Variants in MAP3K19 observed in about 807,000 individuals in gnomAD.
The protein encoded by MAP3K19 is SPS1/STE20-related protein kinase YSK4.
MAP3K19 carries 91 observed loss-of-function variants against 114.4 expected under a neutral mutation model. The ratio of observed to expected loss-of-function variants is 0.80; its 90% CI spans 0.67 to 0.95. The LOEUF (loss-of-function observed/expected upper bound fraction) is 0.95. MAP3K19 is among the 40% of genes least tolerant of loss of function. The pLI is 0.00. For missense variants in MAP3K19, 1,471 were observed against 1,573.2 expected (o/e 0.94, Z 1.10); for synonymous variants, 518 against 530.5 (o/e 0.98, Z 0.32).
chr2:135,017,968 G>T (rs1267668231), intron 5 of MAP3K19, among the ~76,000 whole-genome samples: 1 of 152,166 alleles, frequency 6.6e-6, no homozygotes, highest in Non-Finnish European at 1.5e-5. Flanking sequence ...CTTCAAAGAG[G>T]TTAAAATGCA....
intron 3 of MAP3K19, among the ~76,000 whole-genome samples, chr2:135,029,170 A>T (rs1688322793): frequency 6.6e-6 from 1 of 152,306 alleles, no homozygotes; most frequent in Admixed American, 6.5e-5. Context: ...CAGGAGATCG[A>T]GACCAACCTG....
At position 134,985,948 on chromosome 2, in the gene MAP3K19, G is replaced by C; in HGVS notation, c.2924C>G (p.Ala975Gly). The C allele has an allele frequency of 6.2e-7, 1 of 1,614,072 alleles. No homozygotes were observed. Among genetic ancestry groups the C allele is most frequent in the Non-Finnish European group, 8.5e-7 (1 of 1,179,978 alleles). Residue 975 changes from alanine to glycine, a missense_variant, in exon 10 of 13, where the codon GCA (alanine) becomes GGA (glycine). Physicochemically the swap from Ala to Gly is moderately conservative, Grantham distance 60. Transcript: ENST00000392915. ...TTTCTCATCAAGAGCTAATAATTCT[G>C]CAGCTAGACAACCTAATAGTTCATC... ...LTDELLGCLA[A>G]ELLALDEKDN...
intron 5 of MAP3K19, among the ~76,000 whole-genome samples, chr2:135,011,666 GTTGTTTGT>G (rs58467283): frequency 8.7e-5 from 13 of 150,106 alleles, no homozygotes; most frequent in East Asian, 1.9e-4. Flanking sequence ...AGAGTTTGAT[GTTGTTTGT>G]TTGTTTGTTT....
intron 2 of MAP3K19, among the ~76,000 whole-genome samples, chr2:135,033,306 AG>A (rs1252201032): frequency 8.2e-6 from 1 of 121,602 alleles, no homozygotes; most frequent in Admixed American, 8.2e-5. Context: ...CTCACCTCCC[AG>A]TAGGAGCGGC....
intron 1 of MAP3K19, among the ~76,000 whole-genome samples, chr2:135,042,459 G>T (rs1429450330): frequency 6.9e-6 from 1 of 144,712 alleles, no homozygotes; most frequent in Non-Finnish European, 1.5e-5. Flanking sequence ...CTGAGATCGC[G>T]CCACTGCACT....
chr2:135,034,850 AGGGG>A (rs1558745563), intron 2 of MAP3K19, among the ~76,000 whole-genome samples: 2 of 6,188 alleles, frequency 3.2e-4, no homozygotes, highest in Non-Finnish European at 3.8e-4. Flanking sequence ...GGGGAGGGGG[AGGGG>A]GAGGGGGAGA....
chr2:134,969,904 A>G (rs1386019631), intron 12 of MAP3K19, among the ~76,000 whole-genome samples: 1 of 152,196 alleles, frequency 6.6e-6, no homozygotes, highest in Non-Finnish European at 1.5e-5. Context: ...TCCCTTTGTC[A>G]AAAATAAGTT....
At position 135,040,476 on chromosome 2, in the gene MAP3K19, G is replaced by A. The variant is rs1452197958; in HGVS notation, c.-397C>T. On this transcript the variant is annotated 5_prime_UTR_variant, in exon 2 of 13. Transcript: ENST00000392915. ...ACTTCGGTAATATAGTCACAGATGA[G>A]TTCCACATCACCTCTTGAAACCACT... The A allele has an allele frequency of 6.6e-6, 1 of 152,586 alleles. No homozygotes were observed. The highest frequency in any genetic ancestry group is 1.9e-4 in the East Asian group (1 of 5,190). 9.5% of individuals were successfully genotyped at this position (152,586 alleles called of 1,614,324 possible).
At chr2:134,978,969 A>G (rs549885064) in intron 12 of MAP3K19, among the ~76,000 whole-genome samples, 2 of 152,294 alleles carry the variant, frequency 1.3e-5, no homozygotes, top group Non-Finnish European at 2.9e-5. Context: ...TTGATCTGTC[A>G]ATAGGAGTAC....
intron 5 of MAP3K19, among the ~76,000 whole-genome samples, chr2:135,008,177 C>A (rs563660995): frequency 3.9e-4 from 59 of 151,606 alleles, no homozygotes; most frequent in African/African-American, 1.4e-3. Flanking sequence ...GGCTGGAGTG[C>A]AGTGGTGCGA....
intron 8 of MAP3K19, among the ~76,000 whole-genome samples, chr2:134,992,901 G>T (rs985367189): frequency 1.3e-5 from 2 of 151,912 alleles, no homozygotes. Context: ...GGCTGGTCTC[G>T]AACACTTGAC....
At chr2:134,998,627 T>C in intron 8 of MAP3K19, 111 bp downstream of exon 8, 1 of 1,180,718 alleles carries the variant, frequency 8.5e-7, no homozygotes, top group Non-Finnish European at 1.2e-6. Context: ...GCTGGGGTTA[T>C]TTTCTGGTAT....
Position 134,981,277 on chromosome 2 carries a change from A to C in MAP3K19, c.3464T>G (p.Phe1155Cys), listed in dbSNP as rs1286570762. Residue 1155 changes from phenylalanine to cysteine, a missense_variant, in exon 12 of 13, where the codon TTT (phenylalanine) becomes TGT (cysteine). Coordinates refer to ENST00000392915, the MANE Select transcript of MAP3K19 (RefSeq NM_025052.5). ...GGSISSIINRFGPLPEMVFCK... is the reference protein window; with the variant it reads ...GGSISSIINRCGPLPEMVFCK... ...GAACACCATCTCAGGCAATGGCCCA[A>C]AACGGTTTATAATACTAGAGATTGA... 1.2e-6 allele frequency: 2 copies of C among 1,614,252 alleles called. No individual in the cohort carries two copies. The highest frequency in any genetic ancestry group is 4.5e-5 in the East Asian group (2 of 44,888).
Position 134,990,269 on chromosome 2 carries a change from C to T in MAP3K19, c.618+1268G>A, listed in dbSNP as rs1424415189. 8.5e-5 allele frequency among the ~76,000 whole-genome samples: 13 copies of T among 152,218 alleles called. No homozygotes were observed. In the South Asian group the frequency reaches 2.3e-3, roughly 27 times the overall value. ...CCTTGAACAACAGGGCTTCAAACTA[C>T]GCAAGTCCACCTATATGTGGATTTT... On this transcript the variant is annotated intron_variant, in intron 9 of 12. Coordinates refer to ENST00000392915, the MANE Select transcript of MAP3K19 (RefSeq NM_025052.5).
intron 1 of MAP3K19, among the ~76,000 whole-genome samples, chr2:135,045,461 A>T (rs1217800366): frequency 6.6e-6 from 1 of 152,190 alleles, no homozygotes; most frequent in Non-Finnish European, 1.5e-5. Flanking sequence ...GGATCATTTC[A>T]GGGGGAAAAA....
chr2:135,039,137 T>G (rs1286597952), intron 2 of MAP3K19, among the ~76,000 whole-genome samples: 1 of 150,974 alleles, frequency 6.6e-6, no homozygotes, highest in African/African-American at 2.4e-5. Context: ...TTTTTTTTTT[T>G]TTTTTAGCAT....
At position 135,036,128 on chromosome 2, in the gene MAP3K19, G is replaced by T. The variant is rs180710181; in HGVS notation, c.-284+4235C>A. Among the ~76,000 whole-genome samples the T allele has an allele frequency of 4.4e-4, 67 of 152,132 alleles. 1 individual carries two copies. Among genetic ancestry groups the T allele is most frequent in the Admixed American group, 3.8e-3 (58 of 15,276 alleles). Reference sequence around the variant, plus strand: ...GGATTACAGGTTTGAGCCACTGGGCGCCTGGCCAAGATTTTTTTTTTCCTA... The same window carrying T: ...GGATTACAGGTTTGAGCCACTGGGCTCCTGGCCAAGATTTTTTTTTTCCTA... On this transcript the variant is annotated intron_variant, in intron 2 of 12. Coordinates refer to ENST00000392915, the MANE Select transcript of MAP3K19 (RefSeq NM_025052.5).
intron 12 of MAP3K19, among the ~76,000 whole-genome samples, chr2:134,965,897 C>T (rs1228671835): frequency 2.0e-5 from 3 of 152,220 alleles, no homozygotes; most frequent in Non-Finnish European, 2.9e-5. Context: ...CATACACACC[C>T]TTCCCAGCCT....
chr2:134,968,862 C>G (rs963974730), intron 12 of MAP3K19, among the ~76,000 whole-genome samples: 8 of 149,736 alleles, frequency 5.3e-5, no homozygotes, highest in South Asian at 2.1e-4. Flanking sequence ...CCTCACTTTC[C>G]AGACTGGGCA....
Sources: gnomAD v4.1 joint callset for allele counts (sites outside exome capture counted in the v4.1 genomes callset) on GRCh38, gnomAD v4.1.1 for gene constraint, MANE v1.5 for transcripts, NCBI Gene and HGNC (gene_info 2026-07-23, HGNC 2026-07-21) for gene names.